Variants in MAN1C1 observed in about 807,000 individuals in gnomAD.
MAN1C1 encodes mannosyl-oligosaccharide 1,2-alpha-mannosidase IC.
In MAN1C1, 49 loss-of-function variants were observed where a neutral mutation model predicts 71.5. That is an observed-to-expected ratio of 0.69 (90% CI 0.54 to 0.87). MAN1C1 has a LOEUF of 0.87. MAN1C1 is among the 40% of genes least tolerant of loss of function. MAN1C1 has a pLI of 0.00. For synonymous variants in MAN1C1, 352 were observed against 343.7 expected (o/e 1.02, Z -0.27); for missense variants, 743 against 835.0 (o/e 0.89, Z 1.36).
rs1001340089 is a variant in MAN1C1 at position 25,781,208 on chromosome 1, G to A, written c.1650+96G>A. On this transcript the variant is annotated intron_variant, in intron 10 of 11. Transcript: ENST00000374332. The stretch of plus-strand genomic sequence containing the variant: ...GCCCTGGCTTGGGCCTGGAGTGGAA[G>A]GCCAAGCCACGTTGACCTCTGACCA... 21 of 1,363,476 alleles carry A rather than the reference G, an allele frequency of 1.5e-5. No individual in the cohort carries two copies. The African/African-American group carries it at 2.9e-4, about 19-fold the overall frequency. 84.5% of individuals were successfully genotyped at this position (1,363,476 alleles called of 1,614,324 possible).
intron 1 of MAN1C1, among the ~76,000 whole-genome samples, chr1:25,652,490 G>A (rs767956932): frequency 1.1e-4 from 16 of 152,194 alleles, no homozygotes; most frequent in African/African-American, 3.6e-4. Context: ...CCCAGCACCC[G>A]CTCAGGCATG....
At chr1:25,773,287 G>GAGTAGATAGA (rs1243378982) in intron 8 of MAN1C1, among the ~76,000 whole-genome samples, 1 of 151,582 alleles carries the variant, frequency 6.6e-6, no homozygotes, top group African/African-American at 2.4e-5. Context: ...GTGGGTGGGT[G>GAGTAGATAGA]TGGGCAGTTG....
chr1:25,677,018 G>A (rs547274217), intron 1 of MAN1C1, among the ~76,000 whole-genome samples: 56 of 152,252 alleles, frequency 3.7e-4, no homozygotes, highest in African/African-American at 1.2e-3. Context: ...GTGGGCATCT[G>A]TGCCTGGGTG....
At position 25,711,937 on chromosome 1, in the gene MAN1C1, TCA is replaced by T. The variant is rs2046618710; in HGVS notation, c.637+25404_637+25405del. Among the ~76,000 whole-genome samples, 2 of 151,958 alleles carry T rather than the reference TCA, an allele frequency of 1.3e-5. No individual in the cohort carries two copies. The highest frequency in any genetic ancestry group is 2.9e-5 in the Non-Finnish European group (2 of 67,974). ...TTCAGGAATGTTTGTTTAAATGGACTCACAGTGAGTGTGTCAGGGAGCGCCAT... is the reference window on the plus strand; with the variant it reads ...TTCAGGAATGTTTGTTTAAATGGACTCAGTGAGTGTGTCAGGGAGCGCCAT... On this transcript the variant is annotated intron_variant, in intron 2 of 11. Transcript: ENST00000374332. The surrounding 1 kb of genome is among the most constrained non-coding windows in gnomAD (Gnocchi z 4.3).
At chr1:25,654,923 G>A (rs1490501871) in intron 1 of MAN1C1, among the ~76,000 whole-genome samples, 2 of 152,146 alleles carry the variant, frequency 1.3e-5, no homozygotes, top group African/African-American at 2.4e-5. Context: ...GGGATTACAG[G>A]CGTGAGCCAC....
chr1:25,736,412 C>T (rs1382505645), intron 2 of MAN1C1, among the ~76,000 whole-genome samples: 1 of 152,158 alleles, frequency 6.6e-6, no homozygotes, highest in Non-Finnish European at 1.5e-5. Context: ...GTCATATTCT[C>T]CTGTAGTGAG....
At chr1:25,737,931 G>C (rs1300629486) in intron 2 of MAN1C1, among the ~76,000 whole-genome samples, 3 of 152,168 alleles carry the variant, frequency 2.0e-5, no homozygotes, top group African/African-American at 7.2e-5. Context: ...TGCAAAGAGA[G>C]CAGGACAAGA....
In MAN1C1 at chr1:25,778,270, C is replaced by G; in HGVS notation, c.1423C>G (p.Arg475Gly). Reference protein sequence around the residue: ...DAKEEKRAHYRELAAQITKTC... With the variant: ...DAKEEKRAHYGELAAQITKTC... ...CAAGGAAGAAAAGAGGGCCCACTAC[C>G]GAGAGCTCGCAGCCCAGATCACCAA... Residue 475 changes from arginine to glycine, a missense_variant, in exon 9 of 12, where the codon CGA becomes GGA. Coordinates refer to ENST00000374332, the MANE Select transcript of MAN1C1 (RefSeq NM_020379.4). This position sits in a 1 kb window ranked among gnomAD's most constrained non-coding sequence, Gnocchi z 5.5. 6.2e-7 allele frequency: 1 copy of G among 1,614,010 alleles called. No individual in the cohort carries two copies. The highest frequency in any genetic ancestry group is 8.5e-7 in the Non-Finnish European group (1 of 1,179,944).
At chr1:25,618,733 A>G (rs1213281821) in intron 1 of MAN1C1, among the ~76,000 whole-genome samples, 1 of 152,104 alleles carries the variant, frequency 6.6e-6, no homozygotes, top group Non-Finnish European at 1.5e-5. Flanking sequence ...GTGGACACAG[A>G]GCCACTGGTC....
chr1:25,638,890 CT>C lies in MAN1C1; in HGVS notation c.540+20554del, dbSNP rs1171776637. Among the ~76,000 whole-genome samples, 6 of 152,108 alleles carry C rather than the reference CT, an allele frequency of 3.9e-5. No individual in the cohort carries two copies. In the South Asian group the frequency reaches 1.0e-3, roughly 26 times the overall value. Reference sequence around the variant, plus strand: ...TTGGGGTTTCTTGAGCTTATTTTGTCTGTGGATTGATATTTTTTCATCAGTT... The same window carrying C: ...TTGGGGTTTCTTGAGCTTATTTTGTCGTGGATTGATATTTTTTCATCAGTT... On this transcript the variant is annotated intron_variant, in intron 1 of 11. Coordinates refer to ENST00000374332, the MANE Select transcript of MAN1C1 (RefSeq NM_020379.4).
rs180981232 is a variant in MAN1C1 at position 25,702,583 on chromosome 1, G to A, written c.637+16047G>A. Among the ~76,000 whole-genome samples, 13 of 152,336 alleles carry A rather than the reference G, an allele frequency of 8.5e-5. No individual in the cohort carries two copies. The East Asian group carries it at 2.1e-3, about 25-fold the overall frequency. On this transcript the variant is annotated intron_variant, in intron 2 of 11. Transcript: ENST00000374332. ...AGGGATTTGAAGCAGTTAAACAGAA[G>A]CACAGGCTTTGGCACCAGGGGGCCT...
chr1:25,768,784 TACAC>T (rs1471879335), intron 7 of MAN1C1, among the ~76,000 whole-genome samples: 1 of 83,572 alleles, frequency 1.2e-5, no homozygotes, highest in East Asian at 4.5e-4. Flanking sequence ...CCCTCACACA[TACAC>T]ACATTACACA....
At chr1:25,658,954 A>G (rs1393985225) in intron 1 of MAN1C1, 2 of 152,696 alleles carry the variant, frequency 1.3e-5, no homozygotes, top group East Asian at 1.9e-4. Flanking sequence ...GGCCAGCAGC[A>G]GCATCAGTGG....
At chr1:25,745,249 C>T (rs115277653) in intron 2 of MAN1C1, among the ~76,000 whole-genome samples, 2,174 of 152,186 alleles carry the variant, frequency 0.014, 49 homozygotes, top group African/African-American at 0.049. Context: ...GGCCAGGCCT[C>T]GTAGCTGGTT....
In MAN1C1 at chr1:25,782,605, G is replaced by T. The variant is rs1374647836; in HGVS notation, c.1671G>T (p.Arg557=). The change falls in exon 11 of 12, where the codon CGG becomes CGT. Residue 557 remains arginine, a synonymous_variant. Coordinates refer to ENST00000374332, the MANE Select transcript of MAN1C1 (RefSeq NM_020379.4). This position sits in a 1 kb window ranked among gnomAD's most constrained non-coding sequence, Gnocchi z 4.4. ...CTCAGGCCTTGGAGAAATACTGTCGGACAGAAGCCGGTTTCTCTGGGATCC... is the reference window on the plus strand; with the variant it reads ...CTCAGGCCTTGGAGAAATACTGTCGTACAGAAGCCGGTTTCTCTGGGATCC... ...EVVLALEKYC[R]TEAGFSGIQD... is the part of the protein sequence containing the mutation. The T allele has an allele frequency of 6.2e-7, 1 of 1,613,886 alleles. No homozygotes were observed. Among genetic ancestry groups the T allele is most frequent in the Non-Finnish European group, 8.5e-7 (1 of 1,179,934 alleles).
At chr1:25,748,352 G>A (rs1006421990) in intron 3 of MAN1C1, among the ~76,000 whole-genome samples, 1 of 152,218 alleles carries the variant, frequency 6.6e-6, no homozygotes, top group Non-Finnish European at 1.5e-5. Context: ...AGCTCCCCCA[G>A]GTTAACAGAT....
chr1:25,780,664 C>T (rs2124417104), intron 9 of MAN1C1: 1 of 345,554 alleles, frequency 2.9e-6, no homozygotes, highest in East Asian at 5.1e-5. Flanking sequence ...CCTTCACCTA[C>T]CCAGACTGCT....
At chr1:25,771,823 T>G in intron 8 of MAN1C1, 51 bp downstream of exon 8, 1 of 1,474,046 alleles carries the variant, frequency 6.8e-7, no homozygotes, top group Non-Finnish European at 9.5e-7. Context: ...AGCCCCCGGC[T>G]CTCTCACGGC....
chr1:25,656,828 CTTTT>C (rs34652808), intron 1 of MAN1C1, among the ~76,000 whole-genome samples: 4 of 140,810 alleles, frequency 2.8e-5, no homozygotes, highest in African/African-American at 5.2e-5. Flanking sequence ...AACCTTGCGT[CTTTT>C]TTTTTTTTTT....
Sources: gnomAD v4.1 joint callset for allele counts (sites outside exome capture counted in the v4.1 genomes callset) on GRCh38, gnomAD v4.1.1 for gene constraint, Gnocchi (gnomAD v3.1) non-coding constraint, MANE v1.5 for transcripts, NCBI Gene and HGNC (gene_info 2026-07-23, HGNC 2026-07-21) for gene names.